ZFHX3: variants seen among roughly 807,000 people sequenced by gnomAD.
ZFHX3 encodes zinc finger homeobox 3.
ZFHX3 carries 42 observed loss-of-function variants against 279.1 expected under a neutral mutation model. The observed-to-expected ratio is 0.15, with a 90% CI of 0.12 to 0.19. The LOEUF (loss-of-function observed/expected upper bound fraction) is 0.19, where lower values mean the gene tolerates loss of function less well. Among genes scored for constraint, ZFHX3 ranks in the 10% least tolerant of loss-of-function variants. The pLI, the probability that ZFHX3 is intolerant of heterozygous loss-of-function variation, is 1.00. For synonymous variants in ZFHX3, 2,293 were observed against 1,957.8 expected (o/e 1.17, Z -4.52); for missense variants, 4,981 against 4,754.0 (o/e 1.05, Z -1.40).
At chr16:73,397,193 A>C (rs2143416797) in intron 3 of ZFHX3, among the ~76,000 whole-genome samples, 1 of 152,390 alleles carries the variant, frequency 6.6e-6, no homozygotes, top group South Asian at 2.1e-4. Context: ...AAAGATAATC[A>C]GGGAGGCCTC....
Position 73,407,266 on chromosome 16 carries a change from C to T in ZFHX3, c.-1291+48737G>A, listed in dbSNP as rs574941088. 2.6e-5 allele frequency among the ~76,000 whole-genome samples: 4 copies of T among 152,248 alleles called. No individual in the cohort carries two copies. The South Asian group carries it at 6.2e-4, about 24-fold the overall frequency. On this transcript the variant is annotated intron_variant, in intron 3 of 17. Transcript: ENST00000641206. ...TGTTCTAAGGGACTGTAAATGCGGCCGCTATGCTTTGTGACTAAAAGTAGC... is the reference window on the plus strand; with the variant it reads ...TGTTCTAAGGGACTGTAAATGCGGCTGCTATGCTTTGTGACTAAAAGTAGC...
chr16:73,721,143 G>C (rs1389746483), intron 1 of ZFHX3, among the ~76,000 whole-genome samples: 1 of 149,332 alleles, frequency 6.7e-6, no homozygotes, highest in Non-Finnish European at 1.5e-5. Flanking sequence ...TCTTTTTTTT[G>C]ACAGAGTCTC....
At chr16:73,343,445 C>T (rs1423661495) in intron 3 of ZFHX3, among the ~76,000 whole-genome samples, 2 of 152,134 alleles carry the variant, frequency 1.3e-5, no homozygotes, top group Non-Finnish European at 2.9e-5. Context: ...GAAGAGGAGG[C>T]CACATGCGGT....
At chr16:73,264,168 G>A (rs926404843) in intron 4 of ZFHX3, among the ~76,000 whole-genome samples, 6 of 151,936 alleles carry the variant, frequency 3.9e-5, no homozygotes, top group African/African-American at 1.2e-4. Flanking sequence ...CTCTATCTGC[G>A]GGGAAAAAAG....
chr16:72,914,889 G>A (rs1006923638), intron 3 of ZFHX3, among the ~76,000 whole-genome samples: 1 of 152,176 alleles, frequency 6.6e-6, no homozygotes, highest in Non-Finnish European at 1.5e-5. Context: ...TACTCGGGTG[G>A]CTGAGGCAGG....
chr16:73,661,074 T>C (rs540974620), intron 2 of ZFHX3, among the ~76,000 whole-genome samples: 2 of 152,342 alleles, frequency 1.3e-5, no homozygotes, highest in East Asian at 3.9e-4. Flanking sequence ...CAGCTGTTCC[T>C]AAGGATCTTC....
At chr16:73,573,478 C>T (rs377302736) in intron 2 of ZFHX3, among the ~76,000 whole-genome samples, 4 of 152,110 alleles carry the variant, frequency 2.6e-5, no homozygotes, top group African/African-American at 7.2e-5. Flanking sequence ...AAAAAGAGGA[C>T]GGAACTAGCA....
intron 7 of ZFHX3, among the ~76,000 whole-genome samples, chr16:73,096,168 G>A (rs192773970): frequency 1.3e-5 from 2 of 152,190 alleles, no homozygotes; most frequent in Admixed American, 1.3e-4. Context: ...TTTACTGCCT[G>A]CCTGCCTGCC....
At chr16:72,848,341 C>T (rs1386040429) in intron 4 of ZFHX3, among the ~76,000 whole-genome samples, 1 of 152,154 alleles carries the variant, frequency 6.6e-6, no homozygotes, top group South Asian at 2.1e-4. Context: ...ATCTGCCGCA[C>T]ACTCGGTGCC....
At chr16:73,342,560 G>A (rs368971038) in intron 3 of ZFHX3, among the ~76,000 whole-genome samples, 9 of 152,156 alleles carry the variant, frequency 5.9e-5, no homozygotes, top group African/African-American at 1.9e-4. Context: ...GGAAGAAAAC[G>A]GGTGCAAAAG....
At chr16:73,823,738 A>C (rs1960818190) in intron 1 of ZFHX3, among the ~76,000 whole-genome samples, 1 of 152,206 alleles carries the variant, frequency 6.6e-6, no homozygotes, top group African/African-American at 2.4e-5. Flanking sequence ...TTTACACAAA[A>C]GTTTGCTGAC....
At chr16:73,117,760 G>T (rs1489049549) in intron 7 of ZFHX3, among the ~76,000 whole-genome samples, 2 of 152,152 alleles carry the variant, frequency 1.3e-5, no homozygotes, top group Non-Finnish European at 2.9e-5. Flanking sequence ...AGGTCATTAG[G>T]TCATGAGGGT....
At chr16:73,244,254 C>T (rs1397450941) in intron 5 of ZFHX3, among the ~76,000 whole-genome samples, 1 of 152,100 alleles carries the variant, frequency 6.6e-6, no homozygotes, top group Non-Finnish European at 1.5e-5. Flanking sequence ...GAGGGTCAGA[C>T]ACACAGGCTT....
rs182532980 is a variant in ZFHX3 at position 73,451,772 on chromosome 16, C to T, written c.-1291+4231G>A. On this transcript the variant is annotated intron_variant, in intron 3 of 17. Transcript: ENST00000641206. ...GGCATAAAAGAATTTTTTTAAAAAA[C>T]GGAACTAAATACAGCAGAAAATGAC... 2.1e-3 allele frequency among the ~76,000 whole-genome samples: 314 copies of T among 152,206 alleles called. 1 individual carries two copies. Among genetic ancestry groups the T allele is most frequent in the Non-Finnish European group, 3.4e-3 (231 of 68,002 alleles).
intron 7 of ZFHX3, among the ~76,000 whole-genome samples, chr16:73,120,044 A>C (rs1004629028): frequency 4.0e-5 from 6 of 151,854 alleles, no homozygotes; most frequent in African/African-American, 1.5e-4. Context: ...CCAGGAGTCT[A>C]CTCCTGAAAG....
chr16:72,866,673 T>C (rs1597325709), intron 4 of ZFHX3, among the ~76,000 whole-genome samples: 1 of 152,232 alleles, frequency 6.6e-6, no homozygotes, highest in East Asian at 1.9e-4. Flanking sequence ...GTTGAGGAGA[T>C]GGAAAAGGAA....
rs145557585 is a variant in ZFHX3, at chr16:73,199,228, G to A, written c.-1103-55397C>T. Among the ~76,000 whole-genome samples, 1,314 of 152,264 alleles carry A rather than the reference G, an allele frequency of 8.6e-3. 27 individuals carry two copies. The highest frequency in any genetic ancestry group is 0.03 in the African/African-American group (1,234 of 41,552). ...GTGTAGACAACGTGGCTGGTCCCTC[G>A]TAGAATGGGGCGTAACGGGGTACAC... is the stretch of plus-strand genomic sequence containing the variant. On this transcript the variant is annotated intron_variant, in intron 5 of 17. Transcript: ENST00000641206.
At chr16:73,799,897 T>C (rs1960094472) in intron 1 of ZFHX3, among the ~76,000 whole-genome samples, 1 of 152,018 alleles carries the variant, frequency 6.6e-6, no homozygotes, top group African/African-American at 2.4e-5. Context: ...ACACGAATAA[T>C]AACAACAACG....
chr16:73,362,774 T>C (rs920615825), intron 3 of ZFHX3, among the ~76,000 whole-genome samples: 3 of 152,158 alleles, frequency 2.0e-5, no homozygotes, highest in Non-Finnish European at 2.9e-5. Flanking sequence ...ATCACTCTAA[T>C]GTGAAATTAG....
Sources: allele counts gnomAD v4.1 joint callset (sites outside exome capture counted in the v4.1 genomes callset), GRCh38; gene constraint gnomAD v4.1.1; transcripts MANE v1.5; gene names NCBI Gene and HGNC (gene_info 2026-07-23, HGNC 2026-07-21).